EIF4A3: variants seen among roughly 807,000 people sequenced by gnomAD.
EIF4A3 encodes the protein eukaryotic translation initiation factor 4A3.
In EIF4A3, 1 loss-of-function variant was observed where a neutral mutation model predicts 55.6. That is an observed-to-expected ratio of 0.02 (90% CI 0.01 to 0.09). EIF4A3 has a LOEUF of 0.09. EIF4A3 is among the 10% of genes least tolerant of loss of function. The pLI is 1.00. For missense variants in EIF4A3, 221 were observed against 540.7 expected (o/e 0.41, Z 5.86); for synonymous variants, 194 against 196.3 (o/e 0.99, Z 0.10).
rs1183927840 is a variant in EIF4A3, at chr17:80,146,937, T to C, written c.25A>G (p.Thr9Ala). 8.7e-6 allele frequency: 14 copies of C among 1,607,838 alleles called. No homozygotes were observed. The highest frequency in any genetic ancestry group is 2.7e-5 in the African/African-American group (2 of 73,862). MATTATMA[T>A]SGSARKRLLK... is the part of the protein sequence containing the mutation. Reference sequence around the variant, plus strand: ...AGCCGCTTTCGCGCCGAGCCCGAGGTCGCCATCGTGGCCGTGGTCGCCATG... The same window carrying C: ...AGCCGCTTTCGCGCCGAGCCCGAGGCCGCCATCGTGGCCGTGGTCGCCATG... The change falls in exon 1 of 12, where the codon ACC (threonine) becomes GCC (alanine). Residue 9 changes from threonine (T) to alanine (A), a missense_variant. Thr to Ala is a moderately conservative substitution (Grantham distance 58). Coordinates refer to ENST00000649764, the MANE Select transcript of EIF4A3 (RefSeq NM_014740.4).
chr17:80,138,310 A>G (rs763157093), intron 7 of EIF4A3, 30 bp from the exon 8 acceptor site: 1 of 1,611,210 alleles, frequency 6.2e-7, no homozygotes, highest in Non-Finnish European at 8.5e-7. Context: ...CCTGTTACAT[A>G]CTCATCCTTC....
Position 80,140,302 on chromosome 17 carries a change from A to G in EIF4A3, c.373-162T>C, listed in dbSNP as rs140845520. The G allele has an allele frequency of 3.6e-5, 33 of 926,580 alleles. No homozygotes were observed. The East Asian group carries it at 9.5e-4, about 27-fold the overall frequency. The allele number at this position is 926,580 out of a possible 1,614,324, so 57.4% of individuals were successfully genotyped here. On this transcript the variant is annotated intron_variant, in intron 4 of 11. Transcript: ENST00000649764. ...CCTGCTCTTTTCTCTGACAAAAACA[A>G]GTTAATTTTGCTTTTTTTTTTTTTT...
intron 1 of EIF4A3, 112 bp from the exon 2 acceptor site, chr17:80,144,356 T>A: frequency 1.1e-6 from 1 of 921,142 alleles, no homozygotes; most frequent in Non-Finnish European, 1.7e-6. Flanking sequence ...TCCTCCAGCC[T>A]AACCCAGTGT....
chr17:80,139,169 C>CAGGG lies in EIF4A3; in HGVS notation c.587-11_587-8dup. The stretch of plus-strand genomic sequence containing the variant: ...TAAATCTGCTCTTTGAAACCTGGGA[C>CAGGG]AGGGAGCAAGACAGGTGAGGGATGT... On this transcript the variant is annotated splice_polypyrimidine_tract_variant and splice_region_variant and intron_variant, in intron 6 of 11. Coordinates refer to ENST00000649764, the MANE Select transcript of EIF4A3 (RefSeq NM_014740.4). 6.2e-7 allele frequency: 1 copy of CAGGG among 1,613,842 alleles called. No homozygotes were observed. The highest frequency in any genetic ancestry group is 2.2e-5 in the East Asian group (1 of 44,868).
chr17:80,135,993 C>T lies in EIF4A3; in HGVS notation c.1219+11G>A, dbSNP rs372685269. The T allele has an allele frequency of 2.2e-5, 35 of 1,613,082 alleles. No individual in the cohort carries two copies. The highest frequency in any genetic ancestry group is 3.3e-5 in the Admixed American group (2 of 59,968). ...CCTCTACAATTACAGTAGAGCTGGA[C>T]GATTTCCTACCGTTCATCGGCATCT... is the stretch of plus-strand genomic sequence containing the variant. On this transcript the variant is annotated intron_variant, in intron 11 of 11. Transcript: ENST00000649764.
chr17:80,134,968 G>A lies in EIF4A3; in HGVS notation c.*522C>T, dbSNP rs1253774756. 2.6e-5 allele frequency among the ~76,000 whole-genome samples: 4 copies of A among 152,038 alleles called. No homozygotes were observed. Among genetic ancestry groups the A allele is most frequent in the East Asian group, 3.9e-4 (2 of 5,172 alleles). The stretch of plus-strand genomic sequence containing the variant: ...AGATCGAGACCATCTTGGCTAACAC[G>A]GTGAAACCCCGTCTCTACTGAAAAT... On this transcript the variant is annotated 3_prime_UTR_variant, in exon 12 of 12. Transcript: ENST00000649764.
At chr17:80,146,615 G>C (rs2039665311) in intron 1 of EIF4A3, among the ~76,000 whole-genome samples, 178 bp downstream of exon 1, 1 of 152,208 alleles carries the variant, frequency 6.6e-6, no homozygotes, top group Non-Finnish European at 1.5e-5. Flanking sequence ...GACACAGCCA[G>C]GCGTGAGGGC....
Position 80,135,295 on chromosome 17 carries a change from G to A in EIF4A3, c.*195C>T, listed in dbSNP as rs966108334. The A allele has an allele frequency of 1.8e-6, 1 of 548,094 alleles. No homozygotes were observed. Among genetic ancestry groups the A allele is most frequent in the Non-Finnish European group, 3.1e-6 (1 of 324,908 alleles). 34.0% of individuals were successfully genotyped at this position (548,094 alleles called of 1,614,324 possible). On this transcript the variant is annotated 3_prime_UTR_variant, in exon 12 of 12. Transcript: ENST00000649764. ...TTAAATTTTTAATGAAAAAGACTTAGAACAATGTATTATTTACATGTAAAT... is the reference window on the plus strand; with the variant it reads ...TTAAATTTTTAATGAAAAAGACTTAAAACAATGTATTATTTACATGTAAAT...
intron 9 of EIF4A3, chr17:80,137,083 A>C: frequency 4.1e-6 from 1 of 245,684 alleles, no homozygotes; most frequent in Non-Finnish European, 7.8e-6. Flanking sequence ...CCACTGTGGA[A>C]TTAAACTAAT....
rs113547327 is a variant in EIF4A3, at chr17:80,136,479, C to T, written c.984-144G>A. The T allele has an allele frequency of 1.7e-3, 1,125 of 660,912 alleles. 12 individuals are homozygous for T. The African/African-American group carries it at 0.017, about 10-fold the overall frequency. The allele number at this position is 660,912 out of a possible 1,614,324, so 40.9% of individuals were successfully genotyped here. ...CCTCTCTCAACAGTCTGTCTGCAAACGTGAAGCCTCAGGGACAGCACCAGA... is the reference window on the plus strand; with the variant it reads ...CCTCTCTCAACAGTCTGTCTGCAAATGTGAAGCCTCAGGGACAGCACCAGA... On this transcript the variant is annotated intron_variant, in intron 9 of 11. Transcript: ENST00000649764.
rs377221362 is a variant in EIF4A3 at position 80,138,229 on chromosome 17, C to T, written c.780G>A (p.Arg260=). ...GIKQFFVAVE[R]EEWKFDTLCD... is the part of the protein sequence containing the mutation. ...ACAGAGTGTCAAATTTCCACTCTTC[C>T]CTCTCCACTGCCACGAAAAATTGCT... is the stretch of plus-strand genomic sequence containing the variant. Residue 260 remains arginine, a synonymous_variant, in exon 8 of 12, where the codon AGG becomes AGA. Coordinates refer to ENST00000649764, the MANE Select transcript of EIF4A3 (RefSeq NM_014740.4). 1 of 1,613,972 alleles carries T rather than the reference C, an allele frequency of 6.2e-7. No homozygotes were observed. Among genetic ancestry groups the T allele is most frequent in the African/African-American group, 1.3e-5 (1 of 74,912 alleles).
chr17:80,139,916 G>A, intron 5 of EIF4A3, 92 bp downstream of exon 5: 1 of 1,549,542 alleles, frequency 6.5e-7, no homozygotes, highest in Non-Finnish European at 8.7e-7. Flanking sequence ...AGTCTACCGT[G>A]CGGCCTACCA....
chr17:80,141,816 A>G lies in EIF4A3; in HGVS notation c.275T>C (p.Phe92Ser). Residue 92 changes from phenylalanine to serine, a missense_variant, in exon 3 of 12, where the codon TTC becomes TCC. Around this residue, in one of 4 missense-constraint regions of EIF4A3, gnomAD observed 85 missense variants for 205.8 expected, o/e 0.41. Transcript: ENST00000649764. ...CAAACACTGGAGGACTGAGATACTGAAGGTGGCTGTTTTTCCTGTGCCGGA... is the reference window on the plus strand; with the variant it reads ...CAAACACTGGAGGACTGAGATACTGGAGGTGGCTGTTTTTCCTGTGCCGGA... Reference protein sequence around the residue: ...SQSGTGKTATFSISVLQCLDI... With the variant: ...SQSGTGKTATSSISVLQCLDI... The G allele has an allele frequency of 6.2e-7, 1 of 1,614,100 alleles. No homozygotes were observed. The highest frequency in any genetic ancestry group is 8.5e-7 in the Non-Finnish European group (1 of 1,179,960).
intron 6 of EIF4A3, 198 bp downstream of exon 6, chr17:80,139,472 C>G: frequency 1.6e-6 from 1 of 638,700 alleles, no homozygotes; most frequent in Non-Finnish European, 2.6e-6. Context: ...AGAGGCTGGC[C>G]TGAGTCACCC....
intron 2 of EIF4A3, among the ~76,000 whole-genome samples, chr17:80,143,628 AT>A (rs1356895773): frequency 5.3e-5 from 8 of 152,326 alleles, no homozygotes; most frequent in African/African-American, 1.9e-4. Context: ...TTTTTCCGAA[AT>A]TGTGTTATAT....
At chr17:80,138,094 A>G in intron 8 of EIF4A3, 48 bp downstream of exon 8, 1 of 1,588,230 alleles carries the variant, frequency 6.3e-7, no homozygotes, top group Non-Finnish European at 8.6e-7. Flanking sequence ...TCAGAGACTC[A>G]ATCTGCAGTT....
Position 80,136,137 on chromosome 17 carries a change from G to C in EIF4A3, c.1092-6C>G. 1.2e-6 allele frequency: 2 copies of C among 1,613,604 alleles called. No individual in the cohort carries two copies. Among genetic ancestry groups the C allele is most frequent in the Non-Finnish European group, 1.7e-6 (2 of 1,179,912 alleles). ...ATCGACCTGATCTCCCAATTCTTCA[G>C]GAATAAAATAATATTACAGTTAGTA... is the stretch of plus-strand genomic sequence containing the variant. On this transcript the variant is annotated splice_region_variant and splice_polypyrimidine_tract_variant and intron_variant, in intron 10 of 11. Transcript: ENST00000649764.
rs1279074553 is a variant in EIF4A3, at chr17:80,135,935, C to T, written c.1219+69G>A. ...AAACCCACAACAACAAAAAAACAAA[C>T]TCAGGTGCCCCAAACTAAGAATAGG... is the stretch of plus-strand genomic sequence containing the variant. On this transcript the variant is annotated intron_variant, in intron 11 of 11. Coordinates refer to ENST00000649764, the MANE Select transcript of EIF4A3 (RefSeq NM_014740.4). The T allele has an allele frequency of 1.9e-6, 3 of 1,554,608 alleles. No homozygotes were observed. In the African/African-American group the frequency reaches 4.2e-5, roughly 22 times the overall value.
At chr17:80,142,181 T>C (rs1325234756) in intron 2 of EIF4A3, among the ~76,000 whole-genome samples, 1 of 152,234 alleles carries the variant, frequency 6.6e-6, no homozygotes, top group African/African-American at 2.4e-5. Context: ...ACTAACTCTC[T>C]CTTCCAAAGA....
Sources: gnomAD v4.1 joint callset for allele counts (sites outside exome capture counted in the v4.1 genomes callset) on GRCh38, gnomAD v4.1.1 for gene constraint, gnomAD v4.1.1 regional missense constraint, MANE v1.5 for transcripts, NCBI Gene and HGNC (gene_info 2026-07-23, HGNC 2026-07-21) for gene names.